MYH7B: variants seen among roughly 807,000 people sequenced by gnomAD.
MYH7B encodes myosin-7B.
In MYH7B, 205 loss-of-function variants were observed where a neutral mutation model predicts 234.5. That is an observed-to-expected ratio of 0.87 (90% CI 0.78 to 0.98). The LOEUF is 0.98. Ranked by LOEUF, MYH7B falls within the 50% of genes least tolerant of loss-of-function variation. The pLI, the probability that MYH7B is intolerant of heterozygous loss-of-function variation, is 0.00. For missense variants in MYH7B, 2,652 were observed against 2,633.4 expected (o/e 1.01, Z -0.15); for synonymous variants, 1,193 against 1,105.0 (o/e 1.08, Z -1.58).
At chr20:34,980,925 T>A (rs1004512240) in intron 8 of MYH7B, 108 bp from the exon 9 acceptor site, 67 of 1,541,908 alleles carry the variant, frequency 4.3e-5, no homozygotes, top group Non-Finnish European at 5.4e-5. Context: ...TCCTTCCCAT[T>A]CCTGGCTCTG....
intron 10 of MYH7B, 118 bp downstream of exon 10, chr20:34,982,673 C>T: frequency 1.2e-6 from 1 of 853,222 alleles, no homozygotes; most frequent in Non-Finnish European, 1.7e-6. Context: ...AACCCTGAGC[C>T]CTGCCTGAGC....
exon 40 of MYH7B, chr20:35,000,817 A>T (rs2082359250): frequency 1.2e-6 from 2 of 1,613,702 alleles, no homozygotes; most frequent in Admixed American, 1.7e-5. Flanking sequence ...GACTTGGCCC[A>T]GCTGAGCGGG....
chr20:34,999,487 C>T, intron 36 of MYH7B, 82 bp downstream of exon 36: 3 of 1,525,414 alleles, frequency 2.0e-6, no homozygotes, highest in Admixed American at 2.1e-5. Flanking sequence ...CTGGTGGGGC[C>T]ACCCTGGAAT....
chr20:34,968,854 T>C (rs1013068251), intron 2 of MYH7B, among the ~76,000 whole-genome samples: 2 of 152,176 alleles, frequency 1.3e-5, no homozygotes, highest in African/African-American at 4.8e-5. Context: ...TTAATGCCCT[T>C]ACCTGGCAGG....
intron 16 of MYH7B, 84 bp downstream of exon 16, chr20:34,987,371 C>T: frequency 6.4e-7 from 1 of 1,557,098 alleles, no homozygotes; most frequent in South Asian, 1.2e-5. Flanking sequence ...TTGTCCACAA[C>T]CTTTAACCTC....
exon 32 of MYH7B, chr20:34,997,491 C>A (rs753481344): frequency 6.4e-7 from 1 of 1,557,914 alleles, no homozygotes; most frequent in African/African-American, 1.4e-5. Context: ...GGCGGCACTG[C>A]GGCGCAAGCA....
At chr20:34,958,743 C>T (rs1469743331) in intron 2 of MYH7B, among the ~76,000 whole-genome samples, 2 of 152,164 alleles carry the variant, frequency 1.3e-5, no homozygotes, top group African/African-American at 2.4e-5. Flanking sequence ...GGATTACAGG[C>T]GTGAGCCACC....
chr20:34,967,762 GGA>G (rs1408737848), intron 2 of MYH7B, among the ~76,000 whole-genome samples: 1 of 152,182 alleles, frequency 6.6e-6, no homozygotes, highest in Non-Finnish European at 1.5e-5. Flanking sequence ...GGAGGGCACG[GGA>G]GAGTGTTTGT....
At chr20:34,993,009 A>G in intron 24 of MYH7B, 93 bp from the exon 25 acceptor site, 1 of 1,490,632 alleles carries the variant, frequency 6.7e-7, no homozygotes, top group Non-Finnish European at 9.1e-7. Context: ...CCTGCTACCC[A>G]CACGAGCCTC....
chr20:35,002,320 C>A, exon 45 of MYH7B: 1 of 1,000,362 alleles, frequency 1.0e-6, no homozygotes, highest in African/African-American at 1.6e-5. Context: ...GAATAAACAC[C>A]ACAGCCAGTT....
At position 34,991,055 on chromosome 20, in the gene MYH7B, T is replaced by G. The variant is rs755721392; in HGVS notation, c.2117T>G (p.Leu706Arg). 1.2e-6 allele frequency: 2 copies of G among 1,613,968 alleles called. No individual in the cohort carries two copies. Among genetic ancestry groups the G allele is most frequent in the African/African-American group, 1.3e-5 (1 of 75,068 alleles). The change falls in exon 24 of 45, where the codon CTG becomes CGG. Residue 706 changes from leucine (L) to arginine (R), a missense_variant. Leu to Arg is a moderately radical substitution (Grantham distance 102). Transcript: ENST00000262873. ...CACCAGCTGCGCTGCAATGGGGTCC[T>G]GGAGGGGATCCGGATCTGCCGCCAA...
At chr20:34,961,935 A>C (rs939974963) in intron 2 of MYH7B, among the ~76,000 whole-genome samples, 6 of 152,242 alleles carry the variant, frequency 3.9e-5, no homozygotes, top group African/African-American at 1.4e-4. Context: ...TTTGCCATTA[A>C]GAATAATGCT....
intron 2 of MYH7B, among the ~76,000 whole-genome samples, chr20:34,964,736 T>C (rs1390525941): frequency 2.0e-5 from 3 of 152,072 alleles, no homozygotes; most frequent in South Asian, 2.1e-4. Context: ...CTGGGCAACA[T>C]AGTGAGATCC....
chr20:35,000,962 C>T (rs1412479218), intron 40 of MYH7B, 26 bp from the exon 41 acceptor site: 13 of 1,613,060 alleles, frequency 8.1e-6, no homozygotes, highest in Non-Finnish European at 1.1e-5. Context: ...AGGCTGGGCA[C>T]CTGACCAGCT....
intron 2 of MYH7B, among the ~76,000 whole-genome samples, chr20:34,964,630 T>G (rs2147151760): frequency 6.6e-6 from 1 of 152,258 alleles, no homozygotes; most frequent in East Asian, 1.9e-4. Flanking sequence ...CAAAAGAGAA[T>G]TCCTGGGACT....
intron 10 of MYH7B, 23 bp downstream of exon 10, chr20:34,982,578 T>A (rs367756006): frequency 4.7e-6 from 7 of 1,488,100 alleles, no homozygotes; most frequent in Non-Finnish European, 4.6e-6. Flanking sequence ...CACTCGGGCA[T>A]GCTCCCCGTT....
intron 16 of MYH7B, 33 bp downstream of exon 16, chr20:34,987,320 C>CCAGA: frequency 6.2e-7 from 1 of 1,606,168 alleles, no homozygotes; most frequent in Non-Finnish European, 8.5e-7. Flanking sequence ...TCAACTTGAC[C>CCAGA]CAGACCTCAG....
rs545534265 is a variant in MYH7B at position 34,991,017 on chromosome 20, C to T, written c.2079C>T (p.Ala693=). 1.6e-4 allele frequency: 252 copies of T among 1,612,856 alleles called. 2 individuals carry two copies. In the South Asian group the frequency reaches 2.6e-3, roughly 16 times the overall value. Reference sequence around the variant, plus strand: ...TCTCACGTCCAGGGGTCATGGATGCCTTCTTGGTGCTACACCAGCTGCGCT... The same window carrying T: ...TCTCACGTCCAGGGGTCATGGATGCTTTCTTGGTGCTACACCAGCTGCGCT... The change falls in exon 24 of 45, where the codon GCC becomes GCT. Residue 693 remains alanine, a synonymous_variant. Coordinates refer to ENST00000262873, the Ensembl canonical transcript of MYH7B.
intron 7 of MYH7B, chr20:34,980,225 G>C (rs1365304547): frequency 3.1e-6 from 1 of 324,584 alleles, no homozygotes; most frequent in African/African-American, 2.1e-5. Context: ...TGGGGCCTGG[G>C]GATGGGAACT....
Sources: allele counts gnomAD v4.1 joint callset (sites outside exome capture counted in the v4.1 genomes callset), GRCh38; gene constraint gnomAD v4.1.1; transcripts MANE v1.5; gene names NCBI Gene and HGNC (gene_info 2026-07-23, HGNC 2026-07-21).